PCCA: variants seen among roughly 807,000 people sequenced by gnomAD.
The protein encoded by PCCA is propionyl-CoA carboxylase subunit alpha, also known as propionyl-CoA carboxylase alpha chain, mitochondrial.
In PCCA, 74 loss-of-function variants were observed where a neutral mutation model predicts 101.3. That is an observed-to-expected ratio of 0.73 (90% CI 0.61 to 0.89). The LOEUF is 0.89. Among genes scored for constraint, PCCA ranks in the 40% least tolerant of loss-of-function variants. The pLI, the probability that PCCA is intolerant of heterozygous loss-of-function variation, is 0.00. For synonymous variants in PCCA, 294 were observed against 313.6 expected (o/e 0.94, Z 0.66); for missense variants, 891 against 907.0 (o/e 0.98, Z 0.23).
intron 20 of PCCA, among the ~76,000 whole-genome samples, chr13:100,441,284 G>A (rs1351825457): frequency 6.6e-6 from 1 of 152,132 alleles, no homozygotes; most frequent in African/African-American, 2.4e-5. Context: ...ACTGCAGACC[G>A]ATAAGACAAA....
intron 21 of PCCA, among the ~76,000 whole-genome samples, chr13:100,465,106 T>C (rs1022280236): frequency 2.6e-5 from 4 of 152,204 alleles, no homozygotes; most frequent in African/African-American, 9.6e-5. Context: ...TCAAGTTTTA[T>C]CATGCCTGAG....
At chr13:100,360,079 G>T (rs1232609518) in intron 18 of PCCA, among the ~76,000 whole-genome samples, 2 of 152,180 alleles carry the variant, frequency 1.3e-5, no homozygotes, top group Non-Finnish European at 1.5e-5. Context: ...GTTCCACATG[G>T]CTGAGGAGGC....
intron 12 of PCCA, among the ~76,000 whole-genome samples, chr13:100,289,401 G>A (rs1397430054): frequency 1.3e-5 from 2 of 152,144 alleles, no homozygotes; most frequent in African/African-American, 4.8e-5. Flanking sequence ...CTCCTCTCTT[G>A]GCCTCTGAAA....
At chr13:100,197,172 C>G (rs1325302420) in intron 6 of PCCA, among the ~76,000 whole-genome samples, 1 of 152,070 alleles carries the variant, frequency 6.6e-6, no homozygotes. Flanking sequence ...AATGTTTCTC[C>G]CCTCTCAGCA....
chr13:100,304,827 A>C (rs1392525458), intron 14 of PCCA, among the ~76,000 whole-genome samples: 3 of 152,206 alleles, frequency 2.0e-5, no homozygotes, highest in Admixed American at 1.3e-4. Flanking sequence ...ATGCATACTT[A>C]AGAGTTAACT....
chr13:100,455,427 T>C (rs762227995), intron 21 of PCCA, among the ~76,000 whole-genome samples: 41 of 152,250 alleles, frequency 2.7e-4, no homozygotes, highest in Non-Finnish European at 5.1e-4. Context: ...ATATACATTT[T>C]TGTTTTACGC....
intron 7 of PCCA, among the ~76,000 whole-genome samples, chr13:100,222,428 A>G (rs911762256): frequency 6.6e-6 from 1 of 152,172 alleles, no homozygotes; most frequent in East Asian, 1.9e-4. Flanking sequence ...TATTTCTGAT[A>G]CAAGAGGCTG....
intron 12 of PCCA, among the ~76,000 whole-genome samples, chr13:100,274,768 T>TA (rs2063528874): frequency 6.6e-6 from 1 of 152,176 alleles, no homozygotes; most frequent in Non-Finnish European, 1.5e-5. Flanking sequence ...GGCCTCATCA[T>TA]ACGTGATTTC....
intron 17 of PCCA, among the ~76,000 whole-genome samples, chr13:100,331,327 T>C (rs893097498): frequency 1.3e-5 from 2 of 152,194 alleles, no homozygotes; most frequent in African/African-American, 4.8e-5. Context: ...AATAGAAATG[T>C]TACTCAGGTG....
intron 17 of PCCA, among the ~76,000 whole-genome samples, chr13:100,336,411 A>G (rs550897175): frequency 7.2e-5 from 11 of 152,302 alleles, no homozygotes; most frequent in African/African-American, 2.2e-4. Context: ...CATCATGCCA[A>G]TGAGGGTGGC....
chr13:100,228,077 G>A (rs986509460), intron 7 of PCCA, among the ~76,000 whole-genome samples: 2 of 151,872 alleles, frequency 1.3e-5, no homozygotes, highest in African/African-American at 4.8e-5. Context: ...GTGCAGTGGT[G>A]CCATCTCGGC....
intron 21 of PCCA, among the ~76,000 whole-genome samples, chr13:100,470,726 C>A (rs1021233366): frequency 6.6e-6 from 1 of 152,056 alleles, no homozygotes; most frequent in African/African-American, 2.4e-5. Flanking sequence ...TGGTGGCTTA[C>A]GCTTGTAGTC....
At chr13:100,304,041 G>C (rs1476235867) in intron 14 of PCCA, among the ~76,000 whole-genome samples, 1 of 152,188 alleles carries the variant, frequency 6.6e-6, no homozygotes, top group Non-Finnish European at 1.5e-5. Context: ...TGTTGTAATA[G>C]CTAACAGGAT....
At chr13:100,118,346 A>G (rs2049030621) in intron 4 of PCCA, among the ~76,000 whole-genome samples, 1 of 152,014 alleles carries the variant, frequency 6.6e-6, no homozygotes, top group Admixed American at 6.5e-5. Context: ...TTTGATCCAC[A>G]GTTCAATCAA....
chr13:100,217,571 G>T (rs141017130), intron 7 of PCCA, among the ~76,000 whole-genome samples: 18 of 150,860 alleles, frequency 1.2e-4, no homozygotes, highest in Non-Finnish European at 2.2e-4. Context: ...ATCAGTTTTT[G>T]TGTGTGTGTG....
Position 100,488,628 on chromosome 13 carries a change from GTTTTGTTTTTTTTTTGTTT to G in PCCA, c.1900-26794_1900-26776del, listed in dbSNP as rs1201377193. Among the ~76,000 whole-genome samples, 10 of 67,030 alleles carry G rather than the reference GTTTTGTTTTTTTTTTGTTT, an allele frequency of 1.5e-4. 1 individual carries two copies. In the South Asian group the frequency reaches 8.2e-3, roughly 55 times the overall value. 44.0% of individuals were successfully genotyped at this position (67,030 alleles called of 152,430 possible). On this transcript the variant is annotated intron_variant, in intron 21 of 23. Transcript: ENST00000376285. ...CTGTATCTACAAGTTTTGTTTTTTT[GTTTTGTTTTTTTTTTGTTT>G]TTTTTTTTTAATTAGCTGGTGTGGT...
chr13:100,101,376 T>G (rs2047266063), intron 1 of PCCA, among the ~76,000 whole-genome samples: 1 of 152,222 alleles, frequency 6.6e-6, no homozygotes, highest in Non-Finnish European at 1.5e-5. Context: ...GACTCAACTT[T>G]GTCATAAAAT....
intron 7 of PCCA, among the ~76,000 whole-genome samples, chr13:100,222,357 G>A (rs1469148126): frequency 1.3e-5 from 2 of 152,136 alleles, no homozygotes; most frequent in African/African-American, 4.8e-5. Context: ...GATTAGAGGT[G>A]TGAGCCACCG....
At chr13:100,431,150 G>A (rs767103592) in intron 20 of PCCA, among the ~76,000 whole-genome samples, 15 of 152,116 alleles carry the variant, frequency 9.9e-5, no homozygotes, top group Non-Finnish European at 2.1e-4. Flanking sequence ...GGTGGGTTTA[G>A]ATGGCATCTC....
Sources: gnomAD v4.1 joint callset for allele counts (sites outside exome capture counted in the v4.1 genomes callset) on GRCh38, gnomAD v4.1.1 for gene constraint, MANE v1.5 for transcripts, NCBI Gene and HGNC (gene_info 2026-07-23, HGNC 2026-07-21) for gene names.